The following PTPRG variants were observed in gnomAD, a reference collection of about 807,000 sequenced individuals.
PTPRG encodes the protein receptor-type tyrosine-protein phosphatase gamma.
In PTPRG, 102 loss-of-function variants were observed where a neutral mutation model predicts 165.3. That is an observed-to-expected ratio of 0.62 (90% CI 0.53 to 0.73). The LOEUF is 0.73. Ranked by LOEUF, PTPRG falls within the 30% of genes least tolerant of loss-of-function variation. The pLI is 0.00. For synonymous variants in PTPRG, 675 were observed against 669.5 expected (o/e 1.01, Z -0.13); for missense variants, 1,866 against 1,861.4 (o/e 1.00, Z -0.05).
intron 1 of PTPRG, among the ~76,000 whole-genome samples, chr3:61,697,685 T>C (rs1250723164): frequency 1.3e-5 from 2 of 152,224 alleles, no homozygotes; most frequent in African/African-American, 4.8e-5. Context: ...TATAAGCTAT[T>C]GTCTGTCCTT....
At chr3:61,814,181 G>T (rs925141016) in intron 2 of PTPRG, among the ~76,000 whole-genome samples, 1 of 152,210 alleles carries the variant, frequency 6.6e-6, no homozygotes, top group Admixed American at 6.5e-5. Flanking sequence ...GATTACAGGC[G>T]TGAGCCACAG....
chr3:61,883,712 G>A (rs2037951023), intron 2 of PTPRG, among the ~76,000 whole-genome samples: 1 of 151,848 alleles, frequency 6.6e-6, no homozygotes, highest in South Asian at 2.1e-4. Flanking sequence ...TCTTTTTTTG[G>A]AAGGCAGGGT....
intron 1 of PTPRG, among the ~76,000 whole-genome samples, chr3:61,713,601 C>T (rs979960220): frequency 6.6e-6 from 1 of 152,040 alleles, no homozygotes; most frequent in African/African-American, 2.4e-5. Flanking sequence ...CAGGTTATTC[C>T]AATTTTTATT....
chr3:61,660,934 G>A (rs996038216), intron 1 of PTPRG, among the ~76,000 whole-genome samples: 6 of 152,124 alleles, frequency 3.9e-5, no homozygotes, highest in South Asian at 2.1e-4. Context: ...CCTGGGAGGC[G>A]GAGGTTGCAG....
intron 3 of PTPRG, among the ~76,000 whole-genome samples, chr3:62,002,228 CCTAT>C (rs2041187476): frequency 6.6e-6 from 1 of 152,016 alleles, no homozygotes; most frequent in African/African-American, 2.4e-5. Flanking sequence ...TAGCCTAGTC[CCTAT>C]CTTTTATGGA....
intron 2 of PTPRG, among the ~76,000 whole-genome samples, chr3:61,795,605 A>C (rs1355689515): frequency 6.1e-5 from 6 of 98,608 alleles, no homozygotes; most frequent in African/African-American, 2.2e-4. Context: ...GTGCCACTGC[A>C]CTCCAGCCTG....
In PTPRG at chr3:62,203,101, C is replaced by G. The variant is rs1700133611; in HGVS notation, c.1378-72C>G. ...TGACAACCAGGGCCTCATTCCCAAT[C>G]TCAATTACTGATGCTTCTCTGCTTT... On this transcript the variant is annotated intron_variant, in intron 11 of 29. Transcript: ENST00000474889. This position sits in a 1 kb window ranked among gnomAD's most constrained non-coding sequence, Gnocchi z 6.4. 3 of 1,518,444 alleles carry G rather than the reference C, an allele frequency of 2.0e-6. No individual in the cohort carries two copies. Among genetic ancestry groups the G allele is most frequent in the Non-Finnish European group, 2.6e-6 (3 of 1,133,278 alleles). The allele number at this position is 1,518,444 out of a possible 1,614,324, so 94.1% of individuals were successfully genotyped here. A position where few individuals can be genotyped will look rare whatever the true frequency, so the allele number is the denominator to read the frequency against.
intron 1 of PTPRG, among the ~76,000 whole-genome samples, chr3:61,626,432 G>A (rs1701611756): frequency 6.6e-6 from 1 of 152,132 alleles, no homozygotes; most frequent in Non-Finnish European, 1.5e-5. Flanking sequence ...AAAACATAAG[G>A]GGTTGCATTT....
rs1701916202 is a variant in PTPRG at position 62,267,426 on chromosome 3, G to T, written c.2673G>T (p.Val891=). 6.2e-7 allele frequency: 1 copy of T among 1,606,766 alleles called. No individual in the cohort carries two copies. Residue 891 remains valine, a synonymous_variant, in exon 18 of 30, where the codon GTG becomes GTT. Coordinates refer to ENST00000474889, the MANE Select transcript of PTPRG (RefSeq NM_002841.4). ...INILAYDHSR[V]KLRPLPGKDS... ...CTTCTATAGATGATCACAGTAGGGT[G>T]AAGTTAAGACCTTTACCAGGAAAAG... is the stretch of plus-strand genomic sequence containing the variant.
intron 2 of PTPRG, among the ~76,000 whole-genome samples, chr3:61,913,449 G>C (rs1423774506): frequency 6.6e-6 from 1 of 152,106 alleles, no homozygotes; most frequent in Non-Finnish European, 1.5e-5. Flanking sequence ...TCAATCTCCT[G>C]ACCTCGTGAT....
At chr3:62,277,738 C>A (rs1040036867) in intron 26 of PTPRG, 59 bp downstream of exon 26, 1 of 1,593,722 alleles carries the variant, frequency 6.3e-7, no homozygotes, top group Non-Finnish European at 8.5e-7. Context: ...GCATAAATTA[C>A]TTTGATACTT....
chr3:61,758,087 A>G (rs2033692900), intron 2 of PTPRG, among the ~76,000 whole-genome samples: 1 of 151,954 alleles, frequency 6.6e-6, no homozygotes. Context: ...ATTTTTTGAG[A>G]CAAGGTCTCA....
intron 4 of PTPRG, among the ~76,000 whole-genome samples, chr3:62,017,418 A>ATT (rs11287319): frequency 1.1e-4 from 15 of 136,916 alleles, no homozygotes; most frequent in African/African-American, 3.5e-4. Flanking sequence ...TCAGAAAATG[A>ATT]TTTTTTTTTT....
chr3:62,125,606 C>T (rs1358522915), intron 5 of PTPRG, among the ~76,000 whole-genome samples: 1 of 151,736 alleles, frequency 6.6e-6, no homozygotes, highest in Non-Finnish European at 1.5e-5. Context: ...CACACAGAAT[C>T]AGGAGAAACT....
At position 61,852,213 on chromosome 3, in the gene PTPRG, C is replaced by T. The variant is rs183934107; in HGVS notation, c.190+103231C>T. Among the ~76,000 whole-genome samples the T allele has an allele frequency of 3.7e-4, 57 of 152,256 alleles. 1 individual carries two copies. Among genetic ancestry groups the T allele is most frequent in the African/African-American group, 1.3e-3 (53 of 41,552 alleles). ...CTCTTTGCGTCTGTCCTTCACTAAA[C>T]ATAATCTTTGAAAAGGAGACATTTT... On this transcript the variant is annotated intron_variant, in intron 2 of 29. Transcript: ENST00000474889.
intron 10 of PTPRG, among the ~76,000 whole-genome samples, chr3:62,197,030 T>A (rs1375290139): frequency 6.6e-6 from 1 of 152,214 alleles, no homozygotes; most frequent in East Asian, 1.9e-4. Flanking sequence ...TTTCACAAGT[T>A]GGCCCTGATG....
chr3:61,815,962 T>A lies in PTPRG; in HGVS notation c.190+66980T>A, dbSNP rs75302880. 5.2e-3 allele frequency among the ~76,000 whole-genome samples: 786 copies of A among 152,340 alleles called. 5 individuals carry two copies. The highest frequency in any genetic ancestry group is 9.0e-3 in the Non-Finnish European group (615 of 68,034). On this transcript the variant is annotated intron_variant, in intron 2 of 29. Coordinates refer to ENST00000474889, the MANE Select transcript of PTPRG (RefSeq NM_002841.4). ...TCCTAAAGTCACTGGTGACTGGCCA[T>A]CTTTAACCCTTGAAAATATTACTAC...
chr3:62,170,346 A>T (rs1705169260), intron 8 of PTPRG, among the ~76,000 whole-genome samples: 1 of 152,178 alleles, frequency 6.6e-6, no homozygotes, highest in African/African-American at 2.4e-5. Context: ...TGAGAGTTAT[A>T]TGCAGAGGAT....
At chr3:61,692,241 G>C (rs1048742859) in intron 1 of PTPRG, among the ~76,000 whole-genome samples, 12 of 152,176 alleles carry the variant, frequency 7.9e-5, no homozygotes, top group Admixed American at 2.0e-4. Flanking sequence ...CAGTAGAATT[G>C]GACAAACCAG....
Sources: allele counts gnomAD v4.1 joint callset (sites outside exome capture counted in the v4.1 genomes callset), GRCh38; gene constraint gnomAD v4.1.1; non-coding constraint Gnocchi (gnomAD v3.1); transcripts MANE v1.5; gene names NCBI Gene and HGNC (gene_info 2026-07-23, HGNC 2026-07-21).